Variants in EYA3 observed in about 807,000 individuals in gnomAD.
EYA3 encodes protein phosphatase EYA3.
EYA3 carries 39 observed loss-of-function variants against 80.0 expected under a neutral mutation model. The ratio of observed to expected loss-of-function variants is 0.49; its 90% CI spans 0.38 to 0.64. The LOEUF (loss-of-function observed/expected upper bound fraction) is 0.64, where lower values mean the gene tolerates loss of function less well. Ranked by LOEUF, EYA3 falls within the 30% of genes least tolerant of loss-of-function variation. EYA3 has a pLI of 0.00. For synonymous variants in EYA3, 206 were observed against 232.8 expected (o/e 0.88, Z 1.05); for missense variants, 523 against 676.1 (o/e 0.77, Z 2.51).
Position 28,013,182 on chromosome 1 carries a change from G to A in EYA3, c.698C>T (p.Ala233Val). The A allele has an allele frequency of 1.2e-6, 2 of 1,614,138 alleles. No individual in the cohort carries two copies. The highest frequency in any genetic ancestry group is 2.2e-5 in the South Asian group (2 of 91,086). ...CTTCTCCGACTGGTATGTGGTTGCT[G>A]CTAATGTGGTGCTCTCTGCATCACT... is the stretch of plus-strand genomic sequence containing the variant. ...TNSDAESTTLAATTYQSEKPS... is the reference protein window; with the variant it reads ...TNSDAESTTLVATTYQSEKPS... The change falls in exon 9 of 18, where the codon GCA becomes GTA. Residue 233 changes from alanine to valine, a missense_variant. By Grantham distance (64) the Ala-to-Val change is moderately conservative. Coordinates refer to ENST00000373871, the MANE Select transcript of EYA3 (RefSeq NM_001990.4). This position sits in a 1 kb window ranked among gnomAD's most constrained non-coding sequence, Gnocchi z 4.0.
At chr1:28,078,773 C>G (rs1645315556) in intron 1 of EYA3, among the ~76,000 whole-genome samples, 1 of 152,116 alleles carries the variant, frequency 6.6e-6, no homozygotes, top group South Asian at 2.1e-4. Context: ...TTATTATCAC[C>G]ATTTTACAGA....
intron 11 of EYA3, among the ~76,000 whole-genome samples, chr1:28,002,808 T>C (rs1040789663): frequency 6.6e-6 from 1 of 150,776 alleles, no homozygotes; most frequent in East Asian, 2.0e-4. Context: ...CGAGATATTA[T>C]CTCAGGAGAA....
chr1:28,049,456 T>C (rs1644157767), intron 2 of EYA3, among the ~76,000 whole-genome samples: 1 of 152,120 alleles, frequency 6.6e-6, no homozygotes, highest in Non-Finnish European at 1.5e-5. Context: ...ATTAAAGCAT[T>C]TGAAGCAAAA....
intron 4 of EYA3, among the ~76,000 whole-genome samples, chr1:28,039,732 T>C (rs1326031876): frequency 6.6e-6 from 1 of 152,170 alleles, no homozygotes; most frequent in Non-Finnish European, 1.5e-5. Flanking sequence ...AGGGGCCAAC[T>C]CAAATGCTCA....
intron 6 of EYA3, among the ~76,000 whole-genome samples, chr1:28,033,640 GTAT>G (rs142552670): frequency 0.35 from 49,581 of 140,812 alleles, 9,281 homozygotes; most frequent in Admixed American, 0.47. Context: ...CTTTTTTAAT[GTAT>G]TATTATTATT....
chr1:28,024,808 T>C (rs1642675796), intron 7 of EYA3, among the ~76,000 whole-genome samples: 1 of 152,120 alleles, frequency 6.6e-6, no homozygotes, highest in Non-Finnish European at 1.5e-5. Context: ...AGGATGATAC[T>C]ACAGAAGTCA....
chr1:28,065,128 A>C (rs1159180553), intron 1 of EYA3, among the ~76,000 whole-genome samples: 1 of 152,214 alleles, frequency 6.6e-6, no homozygotes, highest in Admixed American at 6.5e-5. Flanking sequence ...TTTCCTATAC[A>C]TATATACCTA....
intron 16 of EYA3, among the ~76,000 whole-genome samples, chr1:27,985,460 A>T (rs988353074): frequency 2.0e-5 from 3 of 151,928 alleles, no homozygotes; most frequent in African/African-American, 7.2e-5. Flanking sequence ...CATTCTTCTC[A>T]TTCTCCTCCT....
intron 17 of EYA3, among the ~76,000 whole-genome samples, chr1:27,976,108 T>C (rs747687253): frequency 2.1e-4 from 32 of 152,158 alleles, no homozygotes; most frequent in Non-Finnish European, 3.2e-4. Flanking sequence ...TGCTCACACA[T>C]AATATTTAAA....
chr1:28,059,627 G>A (rs779667704), intron 1 of EYA3, among the ~76,000 whole-genome samples: 5 of 150,538 alleles, frequency 3.3e-5, no homozygotes, highest in Admixed American at 1.3e-4. Context: ...TGTACATTAT[G>A]TACATATATT....
At chr1:27,981,115 C>T (rs895673733) in intron 16 of EYA3, among the ~76,000 whole-genome samples, 2 of 152,158 alleles carry the variant, frequency 1.3e-5, no homozygotes, top group African/African-American at 2.4e-5. Context: ...TTTAATGTCC[C>T]CAAATCACAG....
chr1:28,036,850 AT>A (rs957309699), intron 5 of EYA3, among the ~76,000 whole-genome samples: 8 of 150,722 alleles, frequency 5.3e-5, no homozygotes, highest in African/African-American at 9.7e-5. Context: ...TAAAGGGGAA[AT>A]TTTTTTTTTC....
rs1383113424 is a variant in EYA3 at position 27,974,080 on chromosome 1, AAAAC to A, written c.*382_*385del. 1.9e-5 allele frequency: 3 copies of A among 154,406 alleles called. No individual in the cohort carries two copies. The highest frequency in any genetic ancestry group is 2.9e-5 in the Non-Finnish European group (2 of 69,484). The allele number at this position is 154,406 out of a possible 1,614,324, so 9.6% of individuals were successfully genotyped here. On this transcript the variant is annotated 3_prime_UTR_variant, in exon 18 of 18. Transcript: ENST00000373871. ...TTCTTTTTCATTTTTTGAAAACAAA[AAAAC>A]AAAAACAAAACACAGAAAAATTAAA...
chr1:28,000,467 C>T (rs1408246077), intron 11 of EYA3, among the ~76,000 whole-genome samples: 1 of 152,076 alleles, frequency 6.6e-6, no homozygotes, highest in East Asian at 1.9e-4. Flanking sequence ...CATCCGCCAC[C>T]ACGCCTGGCT....
intron 3 of EYA3, among the ~76,000 whole-genome samples, chr1:28,045,296 C>A (rs1571884361): frequency 6.6e-6 from 1 of 151,962 alleles, no homozygotes; most frequent in Non-Finnish European, 1.5e-5. Flanking sequence ...TTATAATTAC[C>A]TGAATAGTTA....
intron 1 of EYA3, among the ~76,000 whole-genome samples, chr1:28,071,288 A>G (rs910060515): frequency 3.3e-5 from 5 of 152,150 alleles, no homozygotes; most frequent in African/African-American, 1.2e-4. Context: ...AACCTGAAAT[A>G]TATAAAAGTC....
chr1:28,058,332 TG>T (rs1452564981), intron 1 of EYA3, among the ~76,000 whole-genome samples: 2 of 152,218 alleles, frequency 1.3e-5, no homozygotes, highest in Non-Finnish European at 2.9e-5. Flanking sequence ...CCACTTCTGC[TG>T]GTTACTATGG....
At chr1:28,076,569 T>A (rs373782687) in intron 1 of EYA3, among the ~76,000 whole-genome samples, 302 of 149,948 alleles carry the variant, frequency 2.0e-3, no homozygotes, top group Middle Eastern at 6.9e-3. Context: ...AAATTAGCTG[T>A]GTGTGGTGGC....
At chr1:28,048,554 AAC>A in intron 2 of EYA3, 128 bp from the exon 3 acceptor site, 2 of 554,336 alleles carry the variant, frequency 3.6e-6, no homozygotes, top group South Asian at 8.3e-5. Context: ...AGATTTAATT[AAC>A]CCTTGTTATA....
Sources: gnomAD v4.1 joint callset for allele counts (sites outside exome capture counted in the v4.1 genomes callset) on GRCh38, gnomAD v4.1.1 for gene constraint, Gnocchi (gnomAD v3.1) non-coding constraint, MANE v1.5 for transcripts, NCBI Gene and HGNC (gene_info 2026-07-23, HGNC 2026-07-21) for gene names.